Variants in BAHCC1 observed in about 807,000 individuals in gnomAD.
BAHCC1 encodes BAH domain and coiled-coil containing 1.
A neutral mutation model predicts 88.2 loss-of-function variants in BAHCC1; 43 were observed. The observed-to-expected ratio is 0.49, with a 90% CI of 0.38 to 0.63. The LOEUF (loss-of-function observed/expected upper bound fraction) is 0.63, where lower values mean the gene tolerates loss of function less well. Ranked by LOEUF, BAHCC1 falls within the 20% of genes least tolerant of loss-of-function variation. The probability of loss-of-function intolerance (pLI) is 0.00; values close to 1 mark genes in which losing one functional copy is unlikely to be tolerated. For missense variants in BAHCC1, 3,023 were observed against 1,654.8 expected (o/e 1.83, Z -14.34); for synonymous variants, 1,510 against 745.5 (o/e 2.03, Z -16.71).
At chr17:81,430,396 G>A (rs1020295461) in intron 3 of BAHCC1, among the ~76,000 whole-genome samples, 4 of 152,146 alleles carry the variant, frequency 2.6e-5, no homozygotes, top group East Asian at 1.9e-4. Flanking sequence ...ACACACACGC[G>A]CTGGCTCTCC....
rs533607171 is a variant in BAHCC1, at chr17:81,443,038, G to T, written c.1689G>T (p.Glu563Asp). ...TGGAGCAGGGGGGCATTGGGGCTGA[G>T]GCCAAGCGCAAGTCCCTGGAGCTGG... ...AEVEQGGIGA[E>D]AKRKSLELAS... Residue 563 changes from glutamate (E) to aspartate (D), a missense_variant, in exon 5 of 28, where the codon GAG becomes GAT. Physicochemically the swap from Glu to Asp is conservative, Grantham distance 45. Coordinates refer to ENST00000675386, the MANE Select transcript of BAHCC1 (RefSeq NM_001377448.1). 2 of 778,320 alleles carry T rather than the reference G, an allele frequency of 2.6e-6. No homozygotes were observed. Among genetic ancestry groups the T allele is most frequent in the African/African-American group, 3.4e-5 (2 of 59,284 alleles). 48.2% of individuals were successfully genotyped at this position (778,320 alleles called of 1,614,324 possible). A position where few individuals can be genotyped will look rare whatever the true frequency, so the allele number is the denominator to read the frequency against.
In BAHCC1 at chr17:81,445,583, C is replaced by T; in HGVS notation, c.3065C>T (p.Pro1022Leu). Reference sequence around the variant, plus strand: ...GCCCCGTGCACTTTAAATGTCTGCCCTGCCAGCAGCCCCGGGCCTGGCTCC... The same window carrying T: ...GCCCCGTGCACTTTAAATGTCTGCCTTGCCAGCAGCCCCGGGCCTGGCTCC... ...PSAPCTLNVCPASSPGPGSRV... is the reference protein window; with the variant it reads ...PSAPCTLNVCLASSPGPGSRV... The change falls in exon 10 of 28, where the codon CCT becomes CTT. Residue 1022 changes from proline (P) to leucine (L), a missense_variant. Coordinates refer to ENST00000675386, the MANE Select transcript of BAHCC1 (RefSeq NM_001377448.1). 4.1e-6 allele frequency: 3 copies of T among 725,414 alleles called. No individual in the cohort carries two copies. The East Asian group carries it at 7.9e-5, about 19-fold the overall frequency. 44.9% of individuals were successfully genotyped at this position (725,414 alleles called of 1,614,324 possible).
Position 81,401,455 on chromosome 17 carries a change from G to A in BAHCC1, c.178+1538G>A, listed in dbSNP as rs188719086. 95 of 152,812 alleles carry A rather than the reference G, an allele frequency of 6.2e-4. 1 individual carries two copies. 9.5% of individuals were successfully genotyped at this position (152,812 alleles called of 1,614,324 possible). On this transcript the variant is annotated intron_variant, in intron 2 of 27. Transcript: ENST00000675386. ...AAGGAGAAAAAGCACTTGCCTGAGCGATGGGTGATTTAAAAATATCTCTTC... is the reference window on the plus strand; with the variant it reads ...AAGGAGAAAAAGCACTTGCCTGAGCAATGGGTGATTTAAAAATATCTCTTC...
chr17:81,426,288 G>A, intron 2 of BAHCC1, among the ~76,000 whole-genome samples: 1 of 145,572 alleles, frequency 6.9e-6, no homozygotes, highest in African/African-American at 2.6e-5. Flanking sequence ...GGTGATTGTG[G>A]TGGGTGATGT....
At chr17:81,445,759 A>ATCC in intron 10 of BAHCC1, 78 bp downstream of exon 10, 1 of 666,696 alleles carries the variant, frequency 1.5e-6, no homozygotes, top group South Asian at 1.7e-5. Context: ...GCTGCGCTGA[A>ATCC]TCCGGGCTGC....
At chr17:81,429,268 G>T (rs1477099287) in intron 3 of BAHCC1, among the ~76,000 whole-genome samples, 1 of 152,358 alleles carries the variant, frequency 6.6e-6, no homozygotes, top group Middle Eastern at 3.4e-3. Context: ...ATGGGTGTGG[G>T]TGCCCCCCGA....
At chr17:81,401,825 A>C (rs1269086150) in intron 2 of BAHCC1, 1 of 151,906 alleles carries the variant, frequency 6.6e-6, no homozygotes, top group African/African-American at 2.4e-5. Context: ...TCAGGTCAGC[A>C]CTCTCCCTGA....
intron 13 of BAHCC1, among the ~76,000 whole-genome samples, chr17:81,452,336 G>A (rs1045487803): frequency 2.6e-5 from 4 of 152,156 alleles, no homozygotes; most frequent in Admixed American, 2.6e-4. Flanking sequence ...GTCTGTGGAA[G>A]AGCCGCTTGT....
chr17:81,458,425 A>G lies in BAHCC1; in HGVS notation c.5302A>G (p.Arg1768Gly). The G allele has an allele frequency of 1.3e-6, 1 of 742,120 alleles. No individual in the cohort carries two copies. Among genetic ancestry groups the G allele is most frequent in the Non-Finnish European group, 2.5e-6 (1 of 403,132 alleles). The allele number at this position is 742,120 out of a possible 1,614,324, so 46.0% of individuals were successfully genotyped here. The change falls in exon 18 of 28, where the codon AGG becomes GGG. Residue 1768 changes from arginine to glycine, a missense_variant. Physicochemically the swap from Arg to Gly is moderately radical, Grantham distance 125. Transcript: ENST00000675386. ...GSQLASERLK[R>G]ATRKGTVLQP... Reference sequence around the variant, plus strand: ...CCAGCTGGCCAGTGAGCGCCTCAAGAGGGCCACGCGCAAGGGCACAGTGCT... The same window carrying G: ...CCAGCTGGCCAGTGAGCGCCTCAAGGGGGCCACGCGCAAGGGCACAGTGCT...
Position 81,447,144 on chromosome 17 carries a change from CG to C in BAHCC1, c.3277del (p.Ala1093ProfsTer59). ...CCTGAAACTATGCAAACCACCGCCCCGGGGGCCCAGCCTGAGCCCACAAGGA... is the reference window on the plus strand; with the variant it reads ...CCTGAAACTATGCAAACCACCGCCCCGGGGCCCAGCCTGAGCCCACAAGGA... ...EDPETMQTTA[P>X]GAQPEPTRTF... On this transcript the variant is annotated frameshift_variant, in exon 11 of 28. Transcript: ENST00000675386. LOFTEE classifies it high-confidence loss of function. 1 of 778,532 alleles carries C rather than the reference CG, an allele frequency of 1.3e-6. No homozygotes were observed. The allele number at this position is 778,532 out of a possible 1,614,324, so 48.2% of individuals were successfully genotyped here.
chr17:81,448,324 A>G lies in BAHCC1; in HGVS notation c.3976+476A>G, dbSNP rs377198553. On this transcript the variant is annotated intron_variant, in intron 11 of 27. Coordinates refer to ENST00000675386, the MANE Select transcript of BAHCC1 (RefSeq NM_001377448.1). Reference sequence around the variant, plus strand: ...GGCAGGAGGCTGGGGCTCCTGCTGCAGGGAGGCCTATGGGACTGGGAGCTC... The same window carrying G: ...GGCAGGAGGCTGGGGCTCCTGCTGCGGGGAGGCCTATGGGACTGGGAGCTC... Among the ~76,000 whole-genome samples the G allele has an allele frequency of 2.7e-4, 41 of 152,202 alleles. 2 individuals are homozygous for G. In the East Asian group the frequency reaches 5.8e-3, roughly 22 times the overall value.
chr17:81,465,830 C>T lies in BAHCC1; in HGVS notation c.*2013C>T, dbSNP rs924370983. ...CCCCCGCTCCCACCCCCGAGCCTAC[C>T]CTTTGTCTCGCATGAGTGCAATATT... On this transcript the variant is annotated 3_prime_UTR_variant, in exon 28 of 28. Transcript: ENST00000675386. 1 of 152,522 alleles carries T rather than the reference C, an allele frequency of 6.6e-6. No individual in the cohort carries two copies. Among genetic ancestry groups the T allele is most frequent in the African/African-American group, 2.4e-5 (1 of 41,458 alleles). 9.4% of individuals were successfully genotyped at this position (152,522 alleles called of 1,614,324 possible). A position where few individuals can be genotyped will look rare whatever the true frequency, so the allele number is the denominator to read the frequency against.
Position 81,464,893 on chromosome 17 carries a change from C to T in BAHCC1, c.*1076C>T, listed in dbSNP as rs1555660392. On this transcript the variant is annotated 3_prime_UTR_variant, in exon 28 of 28. Coordinates refer to ENST00000675386, the MANE Select transcript of BAHCC1 (RefSeq NM_001377448.1). ...TGAGCCCCTCCTCACCCCTGGGGTC[C>T]TAACTTTCCTGAAAGTAGTAGGTGC... 6.6e-6 allele frequency: 1 copy of T among 152,262 alleles called. No homozygotes were observed. Among genetic ancestry groups the T allele is most frequent in the Admixed American group, 6.5e-5 (1 of 15,284 alleles). The allele number at this position is 152,262 out of a possible 1,614,324, so 9.4% of individuals were successfully genotyped here.
intron 2 of BAHCC1, chr17:81,422,965 C>G: frequency 3.5e-6 from 1 of 286,118 alleles, no homozygotes; most frequent in East Asian, 1.6e-4. Flanking sequence ...GAAGCCAGCA[C>G]TTCCCTTCCC....
rs554633997 is a variant in BAHCC1, at chr17:81,446,523, C to T, written c.3164-513C>T. ...TGAGGGCCTGGCCTCAGGCTGCTCA[C>T]ACCTTTTTTTTTTTTTTTTTTTTTT... On this transcript the variant is annotated intron_variant, in intron 10 of 27. Transcript: ENST00000675386. Among the ~76,000 whole-genome samples the T allele has an allele frequency of 1.2e-3, 141 of 119,328 alleles. 2 individuals carry two copies. Among genetic ancestry groups the T allele is most frequent in the African/African-American group, 4.4e-3 (138 of 31,260 alleles). The allele number at this position is 119,328 out of a possible 152,430, so 78.3% of individuals were successfully genotyped here. A position where few individuals can be genotyped will look rare whatever the true frequency, so the allele number is the denominator to read the frequency against.
At chr17:81,414,186 A>C (rs868945008) in intron 2 of BAHCC1, among the ~76,000 whole-genome samples, 3 of 152,330 alleles carry the variant, frequency 2.0e-5, no homozygotes, top group African/African-American at 7.2e-5. Context: ...CCTTGGCAGC[A>C]GAGCGGCTCC....
rs535768170 is a variant in BAHCC1 at position 81,407,881 on chromosome 17, A to G, written c.178+7964A>G. On this transcript the variant is annotated intron_variant, in intron 2 of 27. Coordinates refer to ENST00000675386, the MANE Select transcript of BAHCC1 (RefSeq NM_001377448.1). ...TCACACTGTTCACAACTGGCCCACA[A>G]GGAGTCCCACTCCAGTGGCCCCTGG... 2.0e-5 allele frequency among the ~76,000 whole-genome samples: 3 copies of G among 152,336 alleles called. No homozygotes were observed. In the East Asian group the frequency reaches 5.8e-4, roughly 29 times the overall value.
chr17:81,406,488 G>A (rs1204578016), intron 2 of BAHCC1, among the ~76,000 whole-genome samples: 7 of 152,298 alleles, frequency 4.6e-5, no homozygotes, highest in African/African-American at 1.7e-4. Context: ...AAACATCAGA[G>A]CCAGCGTGCA....
chr17:81,452,740 G>A lies in BAHCC1; in HGVS notation c.4334G>A (p.Arg1445Gln), dbSNP rs1278067210. ...GCCCCCAGGAGAGACGAGAGTTCAC[G>A]GAGCCCTGCACGGCGGGGGCCTGGC... Reference protein sequence around the residue: ...KHDHERDESSRSPARRGPGRP... With the variant: ...KHDHERDESSQSPARRGPGRP... The change falls in exon 14 of 28, where the codon CGG becomes CAG. Residue 1445 changes from arginine (R) to glutamine (Q), a missense_variant. Physicochemically the swap from Arg to Gln is conservative, Grantham distance 43. Transcript: ENST00000675386. 6.6e-6 allele frequency: 5 copies of A among 752,670 alleles called. No homozygotes were observed. Among genetic ancestry groups the A allele is most frequent in the Admixed American group, 1.8e-5 (1 of 54,726 alleles). 46.6% of individuals were successfully genotyped at this position (752,670 alleles called of 1,614,324 possible). A position where few individuals can be genotyped will look rare whatever the true frequency, so the allele number is the denominator to read the frequency against.
Sources: gnomAD v4.1 joint callset for allele counts (sites outside exome capture counted in the v4.1 genomes callset) on GRCh38, gnomAD v4.1.1 for gene constraint, MANE v1.5 for transcripts, NCBI Gene and HGNC (gene_info 2026-07-23, HGNC 2026-07-21) for gene names.